DOK5: variants seen among roughly 807,000 people sequenced by gnomAD.
DOK5 encodes the protein downstream of tyrosine kinase 5.
Under a neutral mutation model 43.3 loss-of-function variants are expected in DOK5, and 27 were observed. The observed-to-expected ratio is 0.62, with a 90% confidence interval of 0.46 to 0.86. The LOEUF is 0.86. Among genes scored for constraint, DOK5 ranks in the 40% least tolerant of loss-of-function variants. The probability of loss-of-function intolerance (pLI) is 0.00; values close to 1 mark genes in which losing one functional copy is unlikely to be tolerated. For synonymous variants in DOK5, 146 were observed against 140.1 expected (o/e 1.04, Z -0.30); for missense variants, 373 against 392.9 (o/e 0.95, Z 0.43).
chr20:54,588,683 A>G lies in DOK5; in HGVS notation c.290-4A>G, dbSNP rs1985886606. 6.2e-7 allele frequency: 1 copy of G among 1,614,048 alleles called. No individual in the cohort carries two copies. The highest frequency in any genetic ancestry group is 1.1e-5 in the South Asian group (1 of 91,076). ...ACAGTTTAATCTTTTTGACATTTCC[A>G]CAGATCTTGAGGCTGATGAGTGGTG... On this transcript the variant is annotated splice_polypyrimidine_tract_variant and splice_region_variant and intron_variant, in intron 3 of 7. Coordinates refer to ENST00000262593, the MANE Select transcript of DOK5 (RefSeq NM_018431.5).
intron 1 of DOK5, among the ~76,000 whole-genome samples, chr20:54,529,581 C>G (rs957695068): frequency 6.6e-6 from 1 of 151,944 alleles, no homozygotes; most frequent in Non-Finnish European, 1.5e-5. Flanking sequence ...AATTCATATA[C>G]CATAAGATTC....
chr20:54,594,727 C>G (rs1600723954), intron 5 of DOK5, among the ~76,000 whole-genome samples: 1 of 152,134 alleles, frequency 6.6e-6, no homozygotes, highest in African/African-American at 2.4e-5. Context: ...AAAAGTATAG[C>G]TTTTTATGGT....
intron 1 of DOK5, among the ~76,000 whole-genome samples, chr20:54,542,154 A>C (rs1031256165): frequency 2.0e-5 from 3 of 151,544 alleles, no homozygotes; most frequent in Non-Finnish European, 4.4e-5. Context: ...GTAAGCATAT[A>C]TATCTTATTG....
rs60177547 is a variant in DOK5 at position 54,545,317 on chromosome 20, C to A, written c.67-9616C>A. The stretch of plus-strand genomic sequence containing the variant: ...GGTTCTCCTTGGTTAACATCTCCAC[C>A]CTTGACTTCCAGATTATATCAACCC... On this transcript the variant is annotated intron_variant, in intron 1 of 7. Transcript: ENST00000262593. 1.5e-3 allele frequency among the ~76,000 whole-genome samples: 230 copies of A among 152,300 alleles called. 3 individuals are homozygous for A. The East Asian group carries it at 0.036, about 24-fold the overall frequency.
intron 7 of DOK5, among the ~76,000 whole-genome samples, chr20:54,648,551 C>A (rs768469413): frequency 6.6e-6 from 1 of 152,020 alleles, no homozygotes; most frequent in Non-Finnish European, 1.5e-5. Flanking sequence ...AAGGCATTCT[C>A]CATAGAGAGG....
intron 5 of DOK5, among the ~76,000 whole-genome samples, chr20:54,604,459 T>C (rs2146785844): frequency 6.6e-6 from 1 of 152,240 alleles, no homozygotes; most frequent in South Asian, 2.1e-4. Flanking sequence ...CGCATCAGTA[T>C]GGCTCATGCA....
chr20:54,548,029 T>C (rs1984402422), intron 1 of DOK5, among the ~76,000 whole-genome samples: 1 of 152,148 alleles, frequency 6.6e-6, no homozygotes. Context: ...GCTACTGGCA[T>C]TTAGCAGGTG....
At chr20:54,609,556 G>A in intron 5 of DOK5, among the ~76,000 whole-genome samples, 1 of 150,098 alleles carries the variant, frequency 6.7e-6, no homozygotes, top group Non-Finnish European at 1.5e-5. Context: ...TATATAGAGA[G>A]CATATATATA....
intron 1 of DOK5, among the ~76,000 whole-genome samples, chr20:54,502,362 G>A (rs981769056): frequency 5.3e-5 from 8 of 152,154 alleles, no homozygotes; most frequent in African/African-American, 1.9e-4. Flanking sequence ...CCAGAAAATA[G>A]ATGAATGGTT....
At chr20:54,503,159 A>G (rs6091905) in intron 1 of DOK5, among the ~76,000 whole-genome samples, 11,473 of 152,256 alleles carry the variant, frequency 0.075, 1,486 homozygotes, top group African/African-American at 0.26. Flanking sequence ...ATAGAGGTGG[A>G]AAGCAGGCTA....
chr20:54,643,584 C>A lies in DOK5; in HGVS notation c.856+6C>A, dbSNP rs765734321. 3.1e-6 allele frequency: 5 copies of A among 1,611,008 alleles called. No homozygotes were observed. Among genetic ancestry groups the A allele is most frequent in the Non-Finnish European group, 4.2e-6 (5 of 1,179,606 alleles). On this transcript the variant is annotated splice_donor_region_variant and intron_variant, in intron 7 of 7. Transcript: ENST00000262593. ...ACAGCTCTACCGCTTGCAAGGTAAG[C>A]GTGGGGCTACCTGTGTCCAGGGTGT...
chr20:54,530,119 T>C (rs765698050), intron 1 of DOK5, among the ~76,000 whole-genome samples: 15 of 152,232 alleles, frequency 9.9e-5, no homozygotes, highest in Non-Finnish European at 4.4e-5. Flanking sequence ...GACCAACTGT[T>C]TAAATCATGC....
Position 54,554,425 on chromosome 20 carries a change from C to T in DOK5, c.67-508C>T, listed in dbSNP as rs139697572. 6.0e-3 allele frequency among the ~76,000 whole-genome samples: 910 copies of T among 152,226 alleles called. 5 individuals carry two copies. Among genetic ancestry groups the T allele is most frequent in the Admixed American group, 7.3e-3 (111 of 15,286 alleles). ...TGGGTTGAATATCCTAAGCAAGAAT[C>T]TGGTTGGTGTTAATCAGCCAATTAT... is the stretch of plus-strand genomic sequence containing the variant. On this transcript the variant is annotated intron_variant, in intron 1 of 7. Transcript: ENST00000262593.
intron 1 of DOK5, among the ~76,000 whole-genome samples, chr20:54,553,271 C>T (rs1346819709): frequency 6.6e-6 from 1 of 152,164 alleles, no homozygotes; most frequent in Non-Finnish European, 1.5e-5. Context: ...TCTCGGCTCA[C>T]TGCAAGCTCC....
intron 1 of DOK5, among the ~76,000 whole-genome samples, chr20:54,528,745 T>G (rs1026457532): frequency 6.6e-6 from 1 of 152,234 alleles, no homozygotes; most frequent in Non-Finnish European, 1.5e-5. Context: ...TTGGAACTGC[T>G]GCAAGTGGCT....
At chr20:54,496,578 C>G (rs957784646) in intron 1 of DOK5, among the ~76,000 whole-genome samples, 1 of 151,792 alleles carries the variant, frequency 6.6e-6, no homozygotes, top group East Asian at 1.9e-4. Flanking sequence ...CCATCCTGGC[C>G]AACACGGTGA....
rs148322849 is a variant in DOK5 at position 54,502,435 on chromosome 20, A to G, written c.66+26423A>G. Among the ~76,000 whole-genome samples, 130 of 152,292 alleles carry G rather than the reference A, an allele frequency of 8.5e-4. 1 individual carries two copies. Among genetic ancestry groups the G allele is most frequent in the Admixed American group, 6.5e-4 (10 of 15,296 alleles). On this transcript the variant is annotated intron_variant, in intron 1 of 7. Coordinates refer to ENST00000262593, the MANE Select transcript of DOK5 (RefSeq NM_018431.5). The stretch of plus-strand genomic sequence containing the variant: ...ATTTTAGGATTACTATAGCAACACT[A>G]TTAAAAATTTTACAGTCATTCACAT...
intron 2 of DOK5, among the ~76,000 whole-genome samples, chr20:54,579,491 G>C (rs1478205311): frequency 6.6e-6 from 1 of 151,994 alleles, no homozygotes; most frequent in Non-Finnish European, 1.5e-5. Flanking sequence ...TTTTATAGCA[G>C]ATCTCTAGGG....
At position 54,483,701 on chromosome 20, in the gene DOK5, C is replaced by T. The variant is rs925213641; in HGVS notation, c.66+7689C>T. 4.6e-5 allele frequency among the ~76,000 whole-genome samples: 7 copies of T among 152,278 alleles called. No individual in the cohort carries two copies. In the South Asian group the frequency reaches 1.5e-3, roughly 32 times the overall value. Reference sequence around the variant, plus strand: ...TTGAAGAGATTATGGTGCGACCCCCCCGTTCCTGTGAAATTCAAAATAAAA... The same window carrying T: ...TTGAAGAGATTATGGTGCGACCCCCTCGTTCCTGTGAAATTCAAAATAAAA... On this transcript the variant is annotated intron_variant, in intron 1 of 7. Transcript: ENST00000262593.
Sources: gnomAD v4.1 joint callset for allele counts (sites outside exome capture counted in the v4.1 genomes callset) on GRCh38, gnomAD v4.1.1 for gene constraint, MANE v1.5 for transcripts, NCBI Gene and HGNC (gene_info 2026-07-23, HGNC 2026-07-21) for gene names.